Variants in C3orf20 observed in about 807,000 individuals in gnomAD.
C3orf20 encodes uncharacterized protein C3orf20.
C3orf20 carries 76 observed loss-of-function variants against 88.3 expected under a neutral mutation model. The ratio of observed to expected loss-of-function variants is 0.86; its 90% CI spans 0.72 to 1.04. The LOEUF (loss-of-function observed/expected upper bound fraction) is 1.04, where lower values mean the gene tolerates loss of function less well. Among genes scored for constraint, C3orf20 ranks in the 50% least tolerant of loss-of-function variants. The pLI is 0.00. For synonymous variants in C3orf20, 436 were observed against 437.4 expected, an observed-to-expected ratio of 1.00 and a Z score of 0.04; for missense variants, 1,056 against 1,123.3, an observed-to-expected ratio of 0.94 and a Z score of 0.86.
At chr3:14,764,270 T>C (rs927222530) in intron 15 of C3orf20, among the ~76,000 whole-genome samples, 1 of 152,018 alleles carries the variant, frequency 6.6e-6, no homozygotes, top group Non-Finnish European at 1.5e-5. Context: ...TCTAGGTTCT[T>C]GAAAATGGAA....
chr3:14,765,005 G>C (rs1559449641), intron 15 of C3orf20: 1 of 152,220 alleles, frequency 6.6e-6, no homozygotes, highest in African/African-American at 2.4e-5. Context: ...TGACTGGTTA[G>C]TAGTACAAGA....
At chr3:14,745,484 T>C (rs946234030) in intron 12 of C3orf20, among the ~76,000 whole-genome samples, 1 of 152,250 alleles carries the variant, frequency 6.6e-6, no homozygotes, top group Non-Finnish European at 1.5e-5. Context: ...CATGAATAGC[T>C]GTCATTCTTT....
rs1485155313 is a variant in C3orf20 at position 14,701,506 on chromosome 3, A to G, written c.746-1624A>G. ...TGGGATATCACTGCCACGACTCCAC[A>G]TGACCACATCCTCATACCACCTGAC... On this transcript the variant is annotated intron_variant, in intron 5 of 16. Coordinates refer to ENST00000253697, the MANE Select transcript of C3orf20 (RefSeq NM_032137.5). This position sits in a 1 kb window ranked among gnomAD's most constrained non-coding sequence, Gnocchi z 4.6. 6.6e-6 allele frequency among the ~76,000 whole-genome samples: 1 copy of G among 152,126 alleles called. No homozygotes were observed. Among genetic ancestry groups the G allele is most frequent in the Admixed American group, 6.5e-5 (1 of 15,280 alleles).
intron 14 of C3orf20, 102 bp from the exon 15 acceptor site, chr3:14,761,371 T>C: frequency 1.4e-6 from 2 of 1,385,226 alleles, no homozygotes; most frequent in South Asian, 2.4e-5. Context: ...CTGAGAGGCC[T>C]GTGGCGCTGT....
At chr3:14,683,957 C>T (rs1384726258) in intron 3 of C3orf20, among the ~76,000 whole-genome samples, 1 of 151,808 alleles carries the variant, frequency 6.6e-6, no homozygotes, top group African/African-American at 2.4e-5. Context: ...CCTACAGCAG[C>T]ACCAGTGATG....
At chr3:14,707,219 A>G (rs933677120) in intron 7 of C3orf20, among the ~76,000 whole-genome samples, 7 of 123,984 alleles carry the variant, frequency 5.6e-5, no homozygotes. Flanking sequence ...ACTGCACTCC[A>G]TCTTGGGCAA....
At chr3:14,748,640 C>T (rs757945414) in intron 12 of C3orf20, among the ~76,000 whole-genome samples, 12 of 151,990 alleles carry the variant, frequency 7.9e-5, no homozygotes, top group Non-Finnish European at 1.3e-4. Context: ...AGTTTTGGTA[C>T]GTTGTTTTTG....
chr3:14,742,046 G>A (rs1047752845), intron 12 of C3orf20, among the ~76,000 whole-genome samples: 1 of 152,148 alleles, frequency 6.6e-6, no homozygotes, highest in East Asian at 1.9e-4. Flanking sequence ...GTTTGGTCTG[G>A]TGTCTGACTT....
At chr3:14,695,194 T>C (rs1416097560) in intron 5 of C3orf20, among the ~76,000 whole-genome samples, 1 of 152,214 alleles carries the variant, frequency 6.6e-6, no homozygotes, top group Non-Finnish European at 1.5e-5. Flanking sequence ...GTGTTTCCAT[T>C]GTCTTTTGCT....
chr3:14,722,100 T>G (rs1444957897), intron 10 of C3orf20: 1 of 313,788 alleles, frequency 3.2e-6, no homozygotes. Context: ...ATCCAGGCCC[T>G]GAAATGATTC....
At chr3:14,746,550 T>G (rs1303767226) in intron 12 of C3orf20, among the ~76,000 whole-genome samples, 1 of 152,222 alleles carries the variant, frequency 6.6e-6, no homozygotes. Context: ...TTGGTCAAGA[T>G]CTTTTTCTGA....
At chr3:14,723,808 TTTTATTTTATTTTATTTTATTTTA>T (rs2034250314) in intron 10 of C3orf20, among the ~76,000 whole-genome samples, 1 of 80,648 alleles carries the variant, frequency 1.2e-5, no homozygotes, top group Non-Finnish European at 2.7e-5. Flanking sequence ...TTTTATTTTA[TTTTATTTTATTTTATTTTATTTTA>T]TTTTATTTTA....
intron 11 of C3orf20, 36 bp from the exon 12 acceptor site, chr3:14,728,403 T>C (rs780074568): frequency 1.2e-6 from 2 of 1,611,040 alleles, no homozygotes; most frequent in Admixed American, 3.3e-5. Flanking sequence ...GTCCTGGCCA[T>C]GAAGGGAAAA....
chr3:14,690,829 G>T (rs1238648092), intron 5 of C3orf20, among the ~76,000 whole-genome samples: 1 of 152,220 alleles, frequency 6.6e-6, no homozygotes, highest in Admixed American at 6.5e-5. Flanking sequence ...CCTGAAGGTG[G>T]TGGGAGGGTG....
chr3:14,721,208 G>A (rs938931599), intron 9 of C3orf20, among the ~76,000 whole-genome samples: 7 of 152,152 alleles, frequency 4.6e-5, no homozygotes, highest in African/African-American at 7.2e-5. Context: ...AGGGCTTTCC[G>A]GCGCTTCCTG....
chr3:14,704,648 C>A lies in C3orf20; in HGVS notation c.1160+30C>A, dbSNP rs943411852. The A allele has an allele frequency of 3.1e-6, 5 of 1,603,994 alleles. No individual in the cohort carries two copies. The African/African-American group carries it at 4.0e-5, about 13-fold the overall frequency. On this transcript the variant is annotated intron_variant, in intron 7 of 16. Transcript: ENST00000253697. Reference sequence around the variant, plus strand: ...CCTTTTATTTGGTACCACCCTATCTCCCCAGCTACTCAACCCCAGAGAAGT... The same window carrying A: ...CCTTTTATTTGGTACCACCCTATCTACCCAGCTACTCAACCCCAGAGAAGT...
chr3:14,712,188 A>ACGCG (rs1445017080), intron 7 of C3orf20, among the ~76,000 whole-genome samples: 1 of 50,270 alleles, frequency 2.0e-5, no homozygotes, highest in Non-Finnish European at 5.1e-5. Flanking sequence ...GCGCGCACAC[A>ACGCG]CACACACACA....
chr3:14,726,252 G>A (rs1413005443), intron 10 of C3orf20, among the ~76,000 whole-genome samples: 7 of 152,246 alleles, frequency 4.6e-5, no homozygotes, highest in East Asian at 1.9e-4. Context: ...ATCCTTCAGC[G>A]TAATCCCAAA....
chr3:14,714,459 ATTTAGTGGAAAAAATATGT>A (rs1292385345), intron 8 of C3orf20, among the ~76,000 whole-genome samples: 2 of 152,212 alleles, frequency 1.3e-5, no homozygotes, highest in African/African-American at 4.8e-5. Context: ...TGGAAGAATT[ATTTAGTGGAAAAAATATGT>A]TTTATACCAG....
Sources: allele counts gnomAD v4.1 joint callset (sites outside exome capture counted in the v4.1 genomes callset), GRCh38; gene constraint gnomAD v4.1.1; non-coding constraint Gnocchi (gnomAD v3.1); transcripts MANE v1.5; gene names NCBI Gene and HGNC (gene_info 2026-07-23, HGNC 2026-07-21).